GALNT13: variants seen among roughly 807,000 people sequenced by gnomAD.
GALNT13 encodes the protein polypeptide N-acetylgalactosaminyltransferase 13.
GALNT13 carries 28 observed loss-of-function variants against 64.2 expected under a neutral mutation model. The ratio of observed to expected loss-of-function variants is 0.44; its 90% CI spans 0.32 to 0.60. The LOEUF (loss-of-function observed/expected upper bound fraction) is 0.60, where lower values mean the gene tolerates loss of function less well. Ranked by LOEUF, GALNT13 falls within the 20% of genes least tolerant of loss-of-function variation. The probability of loss-of-function intolerance (pLI) is 0.05; values close to 1 mark genes in which losing one functional copy is unlikely to be tolerated. For missense variants in GALNT13, 577 were observed against 669.8 expected, an observed-to-expected ratio of 0.86 and a Z score of 1.53; for synonymous variants, 214 against 224.6, an observed-to-expected ratio of 0.95 and a Z score of 0.42.
chr2:154,348,577 G>T (rs538850382), intron 9 of GALNT13, among the ~76,000 whole-genome samples: 2 of 152,094 alleles, frequency 1.3e-5, no homozygotes, highest in African/African-American at 4.8e-5. Context: ...TGACCCCGAA[G>T]TCTGTCAGAT....
At chr2:153,274,278 T>C in the GALNT13 span, among the ~76,000 whole-genome samples, 1 of 152,188 alleles carries the variant, frequency 6.6e-6, no homozygotes, top group Non-Finnish European at 1.5e-5. Flanking sequence ...GCCAGGTGTT[T>C]ATGTCAGTCT....
intron 9 of GALNT13, among the ~76,000 whole-genome samples, chr2:154,325,473 A>G (rs1202521151): frequency 6.6e-6 from 1 of 152,154 alleles, no homozygotes; most frequent in African/African-American, 2.4e-5. Context: ...AGATCTTGCT[A>G]CTACTGCTAC....
At chr2:154,347,752 C>G (rs1487397018) in intron 9 of GALNT13, among the ~76,000 whole-genome samples, 2 of 152,122 alleles carry the variant, frequency 1.3e-5, no homozygotes, top group Non-Finnish European at 1.5e-5. Context: ...TATGTGTGAC[C>G]TTCTTTCATG....
At chr2:154,315,628 G>A (rs936008220) in intron 9 of GALNT13, among the ~76,000 whole-genome samples, 2 of 152,032 alleles carry the variant, frequency 1.3e-5, no homozygotes, top group South Asian at 4.1e-4. Context: ...AGTGTGGTAG[G>A]TACTAATTGT....
chr2:153,344,827 T>TGTATG, the GALNT13 span, among the ~76,000 whole-genome samples: 11 of 152,224 alleles, frequency 7.2e-5, no homozygotes, highest in Non-Finnish European at 1.2e-4. Context: ...CATTTCACTA[T>TGTATG]GTATGCATGT....
the GALNT13 span, among the ~76,000 whole-genome samples, chr2:153,305,046 A>G: frequency 6.6e-6 from 1 of 152,052 alleles, no homozygotes; most frequent in East Asian, 1.9e-4. Flanking sequence ...GGTAATTTAA[A>G]TTTTTACTTT....
At chr2:154,214,797 G>A (rs1483068123) in intron 4 of GALNT13, among the ~76,000 whole-genome samples, 2 of 152,080 alleles carry the variant, frequency 1.3e-5, no homozygotes, top group Admixed American at 1.3e-4. Context: ...TCGGTCTCAG[G>A]CAGTTATTTA....
At chr2:153,268,350 T>C in the GALNT13 span, among the ~76,000 whole-genome samples, 1 of 152,218 alleles carries the variant, frequency 6.6e-6, no homozygotes, top group Admixed American at 6.5e-5. Context: ...AATTCCAAAA[T>C]GATCACCTGT....
rs138229452 is a variant in GALNT13 at position 153,982,343 on chromosome 2, G to A, written c.142+37704G>A. On this transcript the variant is annotated intron_variant, in intron 3 of 12. Coordinates refer to ENST00000392825, the MANE Select transcript of GALNT13 (RefSeq NM_052917.4). ...AAATATTGATCTGTTTTCAGTGGAAGGGTGAAATGAATTTCAAAATATAGA... is the reference window on the plus strand; with the variant it reads ...AAATATTGATCTGTTTTCAGTGGAAAGGTGAAATGAATTTCAAAATATAGA... Among the ~76,000 whole-genome samples the A allele has an allele frequency of 5.4e-3, 816 of 152,150 alleles. 5 individuals are homozygous for A. Among genetic ancestry groups the A allele is most frequent in the African/African-American group, 0.018 (749 of 41,540 alleles).
chr2:153,801,933 C>G, the GALNT13 span, among the ~76,000 whole-genome samples: 2 of 152,102 alleles, frequency 1.3e-5, no homozygotes, highest in Admixed American at 6.6e-5. Context: ...CTTTCTGCTT[C>G]TAATTTGTAC....
chr2:154,019,812 T>C lies in GALNT13; in HGVS notation c.142+75173T>C, dbSNP rs374235519. Among the ~76,000 whole-genome samples, 20 of 152,210 alleles carry C rather than the reference T, an allele frequency of 1.3e-4. No individual in the cohort carries two copies. In the East Asian group the frequency reaches 3.9e-3, roughly 29 times the overall value. Reference sequence around the variant, plus strand: ...GTGTGCTGCACCCATTAACTCGTTATCTAGCATTAGGTATATCTCCTAATG... The same window carrying C: ...GTGTGCTGCACCCATTAACTCGTTACCTAGCATTAGGTATATCTCCTAATG... On this transcript the variant is annotated intron_variant, in intron 3 of 12. Transcript: ENST00000392825.
intron 3 of GALNT13, among the ~76,000 whole-genome samples, chr2:154,054,274 G>A (rs1326542379): frequency 6.6e-6 from 1 of 151,210 alleles, no homozygotes; most frequent in Non-Finnish European, 1.5e-5. Context: ...AGAATGTTTT[G>A]TATGCTACCT....
intron 3 of GALNT13, among the ~76,000 whole-genome samples, chr2:154,022,562 T>G (rs937355209): frequency 4.6e-5 from 7 of 152,202 alleles, no homozygotes; most frequent in African/African-American, 7.2e-5. Flanking sequence ...CATTTTTTAT[T>G]GCGTCTATCT....
chr2:153,215,208 T>C, the GALNT13 span, among the ~76,000 whole-genome samples: 10 of 152,096 alleles, frequency 6.6e-5, no homozygotes, highest in African/African-American at 2.2e-4. Context: ...AGCTTCTTGC[T>C]CTTTCCCACT....
chr2:153,481,666 A>C, the GALNT13 span, among the ~76,000 whole-genome samples: 2 of 152,190 alleles, frequency 1.3e-5, no homozygotes. Context: ...CATGTTACAC[A>C]AGGACAGAAA....
At chr2:153,464,812 A>G in the GALNT13 span, among the ~76,000 whole-genome samples, 15 of 152,126 alleles carry the variant, frequency 9.9e-5, no homozygotes, top group East Asian at 2.9e-3. Context: ...AAAATATATC[A>G]TTAAGATATT....
chr2:153,478,603 G>T, the GALNT13 span: 11 of 1,485,952 alleles, frequency 7.4e-6, no homozygotes, highest in East Asian at 2.1e-4. Context: ...GCGCGGGTCC[G>T]AGGGGTGGGA....
At chr2:153,882,946 A>G (rs1391368125) in intron 1 of GALNT13, among the ~76,000 whole-genome samples, 1 of 151,334 alleles carries the variant, frequency 6.6e-6, no homozygotes, top group Non-Finnish European at 1.5e-5. Flanking sequence ...AACATGAAAA[A>G]TAAAGAGACC....
At chr2:153,727,588 A>T in the GALNT13 span, among the ~76,000 whole-genome samples, 1 of 152,152 alleles carries the variant, frequency 6.6e-6, no homozygotes, top group Non-Finnish European at 1.5e-5. Flanking sequence ...CGACTCATCT[A>T]TAAGAGTTCT....
Sources: gnomAD v4.1 joint callset for allele counts (sites outside exome capture counted in the v4.1 genomes callset) on GRCh38, gnomAD v4.1.1 for gene constraint, MANE v1.5 for transcripts, NCBI Gene and HGNC (gene_info 2026-07-23, HGNC 2026-07-21) for gene names.